SORCS3: variants seen among roughly 807,000 people sequenced by gnomAD.
SORCS3 encodes VPS10 domain-containing receptor SorCS3.
Under a neutral mutation model 146.3 loss-of-function variants are expected in SORCS3, and 57 were observed. That is an observed-to-expected ratio of 0.39 (90% CI 0.31 to 0.49). The LOEUF is 0.49. SORCS3 is among the 20% of genes least tolerant of loss of function. SORCS3 has a pLI of 0.92. For synonymous variants in SORCS3, 653 were observed against 618.5 expected, an observed-to-expected ratio of 1.06 and a Z score of -0.83; for missense variants, 1,341 against 1,575.5, an observed-to-expected ratio of 0.85 and a Z score of 2.52.
intron 1 of SORCS3, among the ~76,000 whole-genome samples, chr10:104,785,919 G>A (rs1429266524): frequency 6.6e-6 from 1 of 152,182 alleles, no homozygotes; most frequent in Non-Finnish European, 1.5e-5. Flanking sequence ...CATAAGAGAG[G>A]TAGCGCATGG....
At chr10:104,759,756 C>T (rs150896436) in intron 1 of SORCS3, among the ~76,000 whole-genome samples, 47 of 152,170 alleles carry the variant, frequency 3.1e-4, no homozygotes, top group African/African-American at 1.0e-3. Context: ...TCTATTTATG[C>T]TGATTTGCTG....
At chr10:105,020,154 T>A (rs1448532234) in intron 4 of SORCS3, among the ~76,000 whole-genome samples, 1 of 152,310 alleles carries the variant, frequency 6.6e-6, no homozygotes, top group East Asian at 1.9e-4. Context: ...GTGGCCGTGG[T>A]CTTGTTTCAG....
intron 1 of SORCS3, among the ~76,000 whole-genome samples, chr10:104,816,943 G>A (rs1261669762): frequency 6.6e-6 from 1 of 152,160 alleles, no homozygotes; most frequent in Non-Finnish European, 1.5e-5. Context: ...TTGGAGGGAG[G>A]CCAAGCCTTC....
intron 14 of SORCS3, among the ~76,000 whole-genome samples, chr10:105,192,655 A>G (rs908165241): frequency 1.3e-5 from 2 of 152,154 alleles, no homozygotes; most frequent in African/African-American, 4.8e-5. Context: ...TTGATCAAAG[A>G]TGCACTCAAT....
chr10:105,161,287 G>A (rs1360608628), intron 11 of SORCS3, among the ~76,000 whole-genome samples: 1 of 152,108 alleles, frequency 6.6e-6, no homozygotes, highest in East Asian at 1.9e-4. Context: ...TACCCTGCTT[G>A]CCCTGGACAC....
chr10:104,987,669 T>A (rs1335704804), intron 4 of SORCS3, among the ~76,000 whole-genome samples: 1 of 152,270 alleles, frequency 6.6e-6, no homozygotes, highest in East Asian at 1.9e-4. Flanking sequence ...AAGTGTACTC[T>A]TGTTGGATGT....
chr10:105,188,046 A>G (rs2056490492), intron 14 of SORCS3, among the ~76,000 whole-genome samples: 1 of 151,998 alleles, frequency 6.6e-6, no homozygotes, highest in Non-Finnish European at 1.5e-5. Context: ...AGAGAAAAAA[A>G]ATTGGGGGAG....
chr10:104,714,088 A>C (rs889648033), intron 1 of SORCS3, among the ~76,000 whole-genome samples: 1 of 152,206 alleles, frequency 6.6e-6, no homozygotes. Flanking sequence ...AGCAGAATCC[A>C]TAATGATGAC....
intron 1 of SORCS3, among the ~76,000 whole-genome samples, chr10:104,643,770 A>G (rs1160220217): frequency 6.9e-6 from 1 of 144,786 alleles, no homozygotes; most frequent in Non-Finnish European, 1.5e-5. Context: ...GGTGAGGAGG[A>G]TGGATGGATG....
At chr10:105,062,138 T>A (rs2055492035) in intron 5 of SORCS3, among the ~76,000 whole-genome samples, 1 of 152,188 alleles carries the variant, frequency 6.6e-6, no homozygotes, top group African/African-American at 2.4e-5. Flanking sequence ...AATACATGAA[T>A]AGCAATAACA....
chr10:104,687,626 G>C (rs1191053983), intron 1 of SORCS3, among the ~76,000 whole-genome samples: 3 of 152,102 alleles, frequency 2.0e-5, no homozygotes, highest in Non-Finnish European at 4.4e-5. Flanking sequence ...CAGGGCAGAA[G>C]AGAAGAAGCC....
intron 5 of SORCS3, among the ~76,000 whole-genome samples, chr10:105,053,130 T>A (rs1396292154): frequency 6.6e-6 from 1 of 152,068 alleles, no homozygotes; most frequent in Non-Finnish European, 1.5e-5. Flanking sequence ...CACTTTCTTG[T>A]AAGGGCACTA....
intron 7 of SORCS3, among the ~76,000 whole-genome samples, chr10:105,105,888 G>A (rs1283411664): frequency 6.6e-6 from 1 of 152,086 alleles, no homozygotes; most frequent in African/African-American, 2.4e-5. Flanking sequence ...TGTAAATTAA[G>A]CATCTTTAGG....
At chr10:105,227,230 A>G (rs1457090047) in intron 20 of SORCS3, among the ~76,000 whole-genome samples, 3 of 151,928 alleles carry the variant, frequency 2.0e-5, no homozygotes, top group African/African-American at 4.8e-5. Flanking sequence ...TGTATCTCAT[A>G]GGTTGTGGTA....
chr10:104,893,711 G>GC (rs1449137483), intron 2 of SORCS3, among the ~76,000 whole-genome samples: 2 of 152,166 alleles, frequency 1.3e-5, no homozygotes, highest in Non-Finnish European at 2.9e-5. Context: ...TGCCGTATCT[G>GC]CTCTGCATGT....
chr10:105,122,585 C>A (rs944793564), intron 7 of SORCS3, among the ~76,000 whole-genome samples: 11 of 152,116 alleles, frequency 7.2e-5, no homozygotes, highest in Non-Finnish European at 1.6e-4. Context: ...TGATACTGTT[C>A]TAAATGAAGG....
chr10:105,031,361 A>ACG (rs1214739467), intron 4 of SORCS3, among the ~76,000 whole-genome samples: 1 of 149,216 alleles, frequency 6.7e-6, no homozygotes, highest in Non-Finnish European at 1.5e-5. Context: ...ACACACACAC[A>ACG]CAAAAACATG....
intron 9 of SORCS3, among the ~76,000 whole-genome samples, chr10:105,152,614 C>A (rs527665802): frequency 9.2e-5 from 14 of 152,080 alleles, no homozygotes; most frequent in Non-Finnish European, 1.6e-4. Context: ...TAAAAGTTTG[C>A]CAATAACTGA....
intron 1 of SORCS3, among the ~76,000 whole-genome samples, chr10:104,838,992 C>G (rs569577012): frequency 6.6e-6 from 1 of 152,228 alleles, no homozygotes; most frequent in African/African-American, 2.4e-5. Flanking sequence ...GTCATGTTCC[C>G]CTTTCTGGGG....
Sources: allele counts gnomAD v4.1 joint callset (sites outside exome capture counted in the v4.1 genomes callset), GRCh38; gene constraint gnomAD v4.1.1; transcripts MANE v1.5; gene names NCBI Gene and HGNC (gene_info 2026-07-23, HGNC 2026-07-21).